Variants in NMNAT3 observed in about 807,000 individuals in gnomAD.
NMNAT3 encodes nicotinamide/nicotinic acid mononucleotide adenylyltransferase 3.
Under a neutral mutation model 24.8 loss-of-function variants are expected in NMNAT3, and 21 were observed. The ratio of observed to expected loss-of-function variants is 0.85; its 90% CI spans 0.60 to 1.22. The LOEUF is 1.22. Among genes scored for constraint, NMNAT3 ranks in the 50% most tolerant of loss-of-function variants. The probability of loss-of-function intolerance (pLI) is 0.00; values close to 1 mark genes in which losing one functional copy is unlikely to be tolerated. For synonymous variants in NMNAT3, 136 were observed against 155.2 expected (o/e 0.88, Z 0.92); for missense variants, 387 against 436.6 (o/e 0.89, Z 1.01).
Position 139,561,094 on chromosome 3 carries a change from C to A in NMNAT3, c.957G>T (p.Thr319=). 1 of 1,613,950 alleles carries A rather than the reference C, an allele frequency of 6.2e-7. No individual in the cohort carries two copies. The highest frequency in any genetic ancestry group is 8.5e-7 in the Non-Finnish European group (1 of 1,179,988). ...TGTAGAGGCCATGGTCCTTGATGTA[C>A]GTGATGACAGCATCGGGAATCAGGT... The change falls in exon 7 of 7, where the codon ACG becomes ACT. Residue 319 remains threonine, a synonymous_variant. Transcript: ENST00000643695.
At chr3:139,577,829 C>A (rs1939562770) in intron 5 of NMNAT3, 1 of 152,232 alleles carries the variant, frequency 6.6e-6, no homozygotes, top group Non-Finnish European at 1.5e-5. Flanking sequence ...ATGCTTCTGG[C>A]TGCTTCTTTC....
At chr3:139,567,048 G>A (rs1350291400) in intron 6 of NMNAT3, 1 of 151,402 alleles carries the variant, frequency 6.6e-6, no homozygotes, top group African/African-American at 2.4e-5. Context: ...TTGAGCAGTG[G>A]TTTGTAGTTC....
At chr3:139,644,914 C>T (rs544879375) in intron 1 of NMNAT3, among the ~76,000 whole-genome samples, 4 of 152,232 alleles carry the variant, frequency 2.6e-5, no homozygotes, top group South Asian at 2.1e-4. Flanking sequence ...TGTAAGAATA[C>T]AGCTCGCGGC....
chr3:139,653,391 C>T (rs1576753001), intron 1 of NMNAT3, among the ~76,000 whole-genome samples: 2 of 152,226 alleles, frequency 1.3e-5, no homozygotes, highest in Admixed American at 1.3e-4. Flanking sequence ...TTATAAAATG[C>T]TTATGTGAGT....
Position 139,583,061 on chromosome 3 carries a change from C to A in NMNAT3, c.257G>T (p.Arg86Leu), listed in dbSNP as rs528456325. Residue 86 changes from arginine (R) to leucine (L), a missense_variant, in exon 4 of 7, where the codon CGC (arginine) becomes CTC (leucine). This residue lies in a region of NMNAT3 where 323 missense variants were observed against 345.2 expected (regional missense o/e 0.94). Coordinates refer to ENST00000643695, the MANE Select transcript of NMNAT3 (RefSeq NM_001320510.2). ...GAACGCTTGTTCTTCAGTTCTTTTG[C>A]GTTTAAAAGATGACTTGTCAGGGTC... 2 of 1,606,792 alleles carry A rather than the reference C, an allele frequency of 1.2e-6. No individual in the cohort carries two copies. The highest frequency in any genetic ancestry group is 1.7e-6 in the Non-Finnish European group (2 of 1,175,670).
intron 3 of NMNAT3, among the ~76,000 whole-genome samples, chr3:139,600,463 G>A (rs575578732): frequency 2.6e-4 from 40 of 151,972 alleles, no homozygotes; most frequent in African/African-American, 9.2e-4. Context: ...CCACCACCAC[G>A]CTGGCTATTT....
At chr3:139,603,453 C>T (rs141752973) in intron 3 of NMNAT3, among the ~76,000 whole-genome samples, 1 of 152,278 alleles carries the variant, frequency 6.6e-6, no homozygotes, top group East Asian at 1.9e-4. Context: ...ATATCAACTT[C>T]CTGCTTCTGA....
intron 3 of NMNAT3, among the ~76,000 whole-genome samples, chr3:139,596,715 C>T (rs957321585): frequency 3.3e-5 from 5 of 151,690 alleles, no homozygotes; most frequent in East Asian, 3.9e-4. Flanking sequence ...GCATTTTCAC[C>T]GGAAAGCCAA....
At chr3:139,657,822 G>T (rs1040315784) in intron 1 of NMNAT3, among the ~76,000 whole-genome samples, 1 of 150,526 alleles carries the variant, frequency 6.6e-6, no homozygotes, top group African/African-American at 2.4e-5. Context: ...TGCTGTGGGG[G>T]GTATCATGGT....
At chr3:139,643,808 AAC>A (rs1376722495) in intron 1 of NMNAT3, among the ~76,000 whole-genome samples, 1 of 152,236 alleles carries the variant, frequency 6.6e-6, no homozygotes, top group Non-Finnish European at 1.5e-5. Flanking sequence ...CTTGCACAAC[AAC>A]ATCAATGCAT....
intron 3 of NMNAT3, among the ~76,000 whole-genome samples, chr3:139,614,867 G>T (rs1559912169): frequency 6.6e-6 from 1 of 152,208 alleles, no homozygotes; most frequent in East Asian, 1.9e-4. Context: ...CTAGTATTAA[G>T]ATTCATTAGT....
chr3:139,578,359 G>A (rs1939636395), intron 5 of NMNAT3, among the ~76,000 whole-genome samples: 1 of 152,020 alleles, frequency 6.6e-6, no homozygotes, highest in Non-Finnish European at 1.5e-5. Context: ...CAGAACCCAG[G>A]AATTGTACAA....
At chr3:139,594,839 A>T (rs1369725111) in intron 3 of NMNAT3, among the ~76,000 whole-genome samples, 1 of 152,274 alleles carries the variant, frequency 6.6e-6, no homozygotes, top group East Asian at 1.9e-4. Flanking sequence ...TCTATGACAA[A>T]CCCACAGCCG....
At chr3:139,577,125 C>CA (rs34969251) in intron 5 of NMNAT3, among the ~76,000 whole-genome samples, 43,799 of 141,926 alleles carry the variant, frequency 0.31, 6,441 homozygotes, top group Admixed American at 0.41. Flanking sequence ...GACCCTATCT[C>CA]AAAAAAAAAA....
At chr3:139,632,270 C>A (rs957449164) in intron 2 of NMNAT3, among the ~76,000 whole-genome samples, 45 of 152,224 alleles carry the variant, frequency 3.0e-4, no homozygotes, top group African/African-American at 1.1e-3. Flanking sequence ...TTTCTGGCTC[C>A]CTGAAGGCAC....
chr3:139,562,311 C>T (rs211587), intron 6 of NMNAT3, among the ~76,000 whole-genome samples: 119,845 of 152,114 alleles, frequency 0.79, 47,625 homozygotes, highest in East Asian at 0.98. Flanking sequence ...AAATCTGTAC[C>T]TGCATTATAC....
At chr3:139,613,603 A>G (rs1381447897) in intron 3 of NMNAT3, among the ~76,000 whole-genome samples, 1 of 152,170 alleles carries the variant, frequency 6.6e-6, no homozygotes, top group East Asian at 1.9e-4. Context: ...TAGAACTAGA[A>G]ATACCATTTG....
intron 1 of NMNAT3, among the ~76,000 whole-genome samples, chr3:139,652,125 C>T (rs183627834): frequency 6.6e-6 from 1 of 152,312 alleles, no homozygotes; most frequent in Non-Finnish European, 1.5e-5. Flanking sequence ...GACCATCGTG[C>T]CCTGAGTCCT....
intron 1 of NMNAT3, among the ~76,000 whole-genome samples, chr3:139,639,025 C>A (rs1559940249): frequency 6.6e-6 from 1 of 152,170 alleles, no homozygotes. Flanking sequence ...CTTTTACCTC[C>A]TCTACAAAGC....
Sources: gnomAD v4.1 joint callset for allele counts (sites outside exome capture counted in the v4.1 genomes callset) on GRCh38, gnomAD v4.1.1 for gene constraint, gnomAD v4.1.1 regional missense constraint, MANE v1.5 for transcripts, NCBI Gene and HGNC (gene_info 2026-07-23, HGNC 2026-07-21) for gene names.